TENM3: variants seen among roughly 807,000 people sequenced by gnomAD.
TENM3 encodes teneurin-3.
TENM3 carries 63 observed loss-of-function variants against 255.1 expected under a neutral mutation model. The ratio of observed to expected loss-of-function variants is 0.25; its 90% CI spans 0.20 to 0.30. The LOEUF is 0.30. Among genes scored for constraint, TENM3 ranks in the 10% least tolerant of loss-of-function variants. The pLI, the probability that TENM3 is intolerant of heterozygous loss-of-function variation, is 1.00. For missense variants in TENM3, 2,929 were observed against 3,461.1 expected, an observed-to-expected ratio of 0.85 and a Z score of 3.86; for synonymous variants, 1,306 against 1,322.3, an observed-to-expected ratio of 0.99 and a Z score of 0.27.
At chr4:182,109,585 G>C in the TENM3 span, among the ~76,000 whole-genome samples, 1 of 152,152 alleles carries the variant, frequency 6.6e-6, no homozygotes, top group Non-Finnish European at 1.5e-5. Context: ...GTACGATATT[G>C]CTTCCCAGAT....
chr4:182,039,345 G>C, the TENM3 span, among the ~76,000 whole-genome samples: 1 of 152,082 alleles, frequency 6.6e-6, no homozygotes. Flanking sequence ...TCAGGATGTC[G>C]CATCTGTTCT....
At chr4:182,537,522 T>A (rs1740457094) in intron 3 of TENM3, among the ~76,000 whole-genome samples, 1 of 152,204 alleles carries the variant, frequency 6.6e-6, no homozygotes. Flanking sequence ...TATTTACCAT[T>A]CCCGGAGCAG....
At chr4:182,335,704 A>T (rs920862287) in intron 2 of TENM3, among the ~76,000 whole-genome samples, 4 of 152,042 alleles carry the variant, frequency 2.6e-5, no homozygotes, top group Non-Finnish European at 5.9e-5. Flanking sequence ...TAGTTTTAAA[A>T]TTTAAAACCT....
chr4:182,470,053 A>G (rs1414377254), intron 3 of TENM3, among the ~76,000 whole-genome samples: 2 of 152,214 alleles, frequency 1.3e-5, no homozygotes, highest in African/African-American at 4.8e-5. Flanking sequence ...GTGACCGTGA[A>G]TGCTAACTTG....
At chr4:182,138,484 A>G in the TENM3 span, among the ~76,000 whole-genome samples, 2 of 152,120 alleles carry the variant, frequency 1.3e-5, no homozygotes, top group African/African-American at 4.8e-5. Flanking sequence ...CACATCTCCA[A>G]CTAAATTCCA....
At chr4:181,706,137 C>CT in the TENM3 span, among the ~76,000 whole-genome samples, 2,001 of 152,186 alleles carry the variant, frequency 0.013, 41 homozygotes, top group African/African-American at 0.046. Context: ...GGCCTCTCCC[C>CT]TTGGCTTAGA....
chr4:182,512,267 C>T (rs1051912245), intron 3 of TENM3, among the ~76,000 whole-genome samples: 8 of 152,186 alleles, frequency 5.3e-5, no homozygotes, highest in African/African-American at 1.9e-4. Context: ...AATGGGCCTT[C>T]TCCATGGTCT....
At chr4:181,842,397 A>T in the TENM3 span, among the ~76,000 whole-genome samples, 1 of 152,242 alleles carries the variant, frequency 6.6e-6, no homozygotes, top group Non-Finnish European at 1.5e-5. Context: ...TGTTTAATTC[A>T]TTCTCTTCTT....
the TENM3 span, among the ~76,000 whole-genome samples, chr4:181,721,335 C>T: frequency 6.6e-6 from 1 of 151,568 alleles, no homozygotes; most frequent in African/African-American, 2.4e-5. Flanking sequence ...TAGGCCCCTA[C>T]CTCCACATGA....
the TENM3 span, among the ~76,000 whole-genome samples, chr4:181,916,817 C>T: frequency 6.6e-6 from 1 of 152,196 alleles, no homozygotes; most frequent in South Asian, 2.1e-4. Context: ...GCAGAGGTTG[C>T]AGTGGCCGGG....
intron 3 of TENM3, among the ~76,000 whole-genome samples, chr4:182,354,759 A>C (rs770928412): frequency 5.9e-5 from 9 of 152,234 alleles, no homozygotes; most frequent in Non-Finnish European, 1.3e-4. Context: ...ATTTGAATGC[A>C]TGTTAAAATG....
intron 25 of TENM3, among the ~76,000 whole-genome samples, chr4:182,791,194 C>T (rs953986699): frequency 1.3e-5 from 2 of 152,208 alleles, no homozygotes; most frequent in East Asian, 3.8e-4. Context: ...ATTTACTACA[C>T]AACCTGCATG....
intron 3 of TENM3, among the ~76,000 whole-genome samples, chr4:182,417,035 G>C (rs1371774384): frequency 6.6e-6 from 1 of 152,078 alleles, no homozygotes; most frequent in Non-Finnish European, 1.5e-5. Context: ...GTGCGGTGGT[G>C]CGATCTCGGC....
the TENM3 span, among the ~76,000 whole-genome samples, chr4:181,825,231 T>C: frequency 1.3e-5 from 2 of 152,008 alleles, no homozygotes; most frequent in East Asian, 1.9e-4. Context: ...TGAAACCCCA[T>C]CTCTACTAAA....
intron 8 of TENM3, 39 bp downstream of exon 8, chr4:182,679,915 G>A (rs1465580725): frequency 3.9e-6 from 6 of 1,520,632 alleles, no homozygotes; most frequent in Non-Finnish European, 3.6e-6. Flanking sequence ...CCAGGCTATA[G>A]CCTAAACGCC....
chr4:181,919,254 C>A, the TENM3 span, among the ~76,000 whole-genome samples: 2 of 152,004 alleles, frequency 1.3e-5, no homozygotes, highest in Non-Finnish European at 2.9e-5. Flanking sequence ...ATCTCAGGAA[C>A]CCAGAGACTG....
At chr4:182,202,299 C>CT (rs773698031) in intron 1 of TENM3, among the ~76,000 whole-genome samples, 5,402 of 100,468 alleles carry the variant, frequency 0.054, 242 homozygotes, top group Non-Finnish European at 0.071. Context: ...GTGCACTGCA[C>CT]TTTTTTTTTT....
chr4:182,724,096 A>G lies in TENM3; in HGVS notation c.2369-4869A>G, dbSNP rs1200898673. Among the ~76,000 whole-genome samples the G allele has an allele frequency of 5.3e-5, 8 of 152,248 alleles. No homozygotes were observed. In the South Asian group the frequency reaches 1.0e-3, roughly 20 times the overall value. On this transcript the variant is annotated intron_variant, in intron 13 of 27. Transcript: ENST00000511685. Reference sequence around the variant, plus strand: ...ACCACGTAGACTGCAAAGCCTAAACAGAAGAAAGACAGGCTCTTAACTGAT... The same window carrying G: ...ACCACGTAGACTGCAAAGCCTAAACGGAAGAAAGACAGGCTCTTAACTGAT...
At chr4:181,921,871 T>G in the TENM3 span, among the ~76,000 whole-genome samples, 80 of 152,286 alleles carry the variant, frequency 5.3e-4, no homozygotes, top group African/African-American at 1.8e-3. Flanking sequence ...GGCTGTGGGT[T>G]TGTCATAGAT....
Sources: allele counts gnomAD v4.1 joint callset (sites outside exome capture counted in the v4.1 genomes callset), GRCh38; gene constraint gnomAD v4.1.1; transcripts MANE v1.5; gene names NCBI Gene and HGNC (gene_info 2026-07-23, HGNC 2026-07-21).